MEOX2: variants seen among roughly 807,000 people sequenced by gnomAD.
The protein encoded by MEOX2 is homeobox protein MOX-2.
MEOX2 carries 11 observed loss-of-function variants against 27.0 expected under a neutral mutation model. The ratio of observed to expected loss-of-function variants is 0.41; its 90% confidence interval spans 0.26 to 0.68. MEOX2 has a LOEUF of 0.68. Ranked by LOEUF, MEOX2 falls within the 30% of genes least tolerant of loss-of-function variation. The probability of loss-of-function intolerance (pLI) is 0.33; values close to 1 mark genes in which losing one functional copy is unlikely to be tolerated. For synonymous variants in MEOX2, 189 were observed against 155.4 expected (o/e 1.22, Z -1.61); for missense variants, 436 against 385.4 (o/e 1.13, Z -1.10).
At chr7:15,614,173 C>G (rs1241772577) in intron 2 of MEOX2, among the ~76,000 whole-genome samples, 2 of 150,704 alleles carry the variant, frequency 1.3e-5, no homozygotes, top group South Asian at 2.1e-4. Flanking sequence ...TTTTCCAACA[C>G]AGTGGGACCC....
intron 1 of MEOX2, among the ~76,000 whole-genome samples, chr7:15,666,203 A>G (rs139357999): frequency 6.7e-4 from 102 of 152,310 alleles, no homozygotes; most frequent in African/African-American, 2.4e-3. Flanking sequence ...AACATGGGAG[A>G]GCCAATACAA....
chr7:15,653,448 A>G (rs1349098603), intron 1 of MEOX2, among the ~76,000 whole-genome samples: 1 of 151,886 alleles, frequency 6.6e-6, no homozygotes, highest in African/African-American at 2.4e-5. Flanking sequence ...TCCTCTTAAC[A>G]GGGTCTTTCA....
Position 15,644,212 on chromosome 7 carries a change from A to C in MEOX2, c.518-17294T>G, listed in dbSNP as rs550924421. ...CATTTTCATTGTAGCTGCCCAGCCC[A>C]GTAAAGCCTTCTGGGCCTACCTAGG... is the stretch of plus-strand genomic sequence containing the variant. On this transcript the variant is annotated intron_variant, in intron 1 of 2. Transcript: ENST00000262041. Among the ~76,000 whole-genome samples, 6 of 152,212 alleles carry C rather than the reference A, an allele frequency of 3.9e-5. No individual in the cohort carries two copies. In the East Asian group the frequency reaches 1.2e-3, roughly 30 times the overall value.
At chr7:15,671,959 C>A (rs1011508823) in intron 1 of MEOX2, among the ~76,000 whole-genome samples, 2 of 151,796 alleles carry the variant, frequency 1.3e-5, no homozygotes, top group African/African-American at 4.8e-5. Context: ...CAGGCATGCT[C>A]GTGCATGCCT....
chr7:15,626,750 C>T lies in MEOX2; in HGVS notation c.686G>A (p.Arg229Lys). ...AATGATAATGCCCAGCTTTACCTGT[C>T]TTTCAGTGAGATCCAGATTCACTGC... ...EIAVNLDLTERQVKVWFQNRR... is the reference protein window; with the variant it reads ...EIAVNLDLTEKQVKVWFQNRR... The change falls in exon 2 of 3, where the codon AGA (arginine) becomes AAA (lysine). Residue 229 changes from arginine (R) to lysine (K), a missense_variant. Arg to Lys is a conservative substitution (Grantham distance 26). Transcript: ENST00000262041. 6.2e-7 allele frequency: 1 copy of T among 1,606,846 alleles called. No individual in the cohort carries two copies. The highest frequency in any genetic ancestry group is 8.5e-7 in the Non-Finnish European group (1 of 1,175,998).
chr7:15,681,561 G>C (rs1236881522), intron 1 of MEOX2: 1 of 151,690 alleles, frequency 6.6e-6, no homozygotes. Flanking sequence ...GACATTTTCT[G>C]ATATTTCATT....
At chr7:15,668,340 C>T (rs1782042065) in intron 1 of MEOX2, 1 of 152,136 alleles carries the variant, frequency 6.6e-6, no homozygotes. Flanking sequence ...AATAACATTT[C>T]TTTTCTCTGG....
rs769939650 is a variant in MEOX2 at position 15,686,194 on chromosome 7, TGGTG to T, written c.205_208del (p.His69ThrfsTer146). ...GTGATGGTGGTGGTGGTGGTGGTGG[TGGTG>T]GTGCCCCCTGTGATGCTGGCTGGCA... On this transcript the variant is annotated frameshift_variant, in exon 1 of 3. Transcript: ENST00000262041. LOFTEE classifies it high-confidence loss of function. The T allele has an allele frequency of 6.3e-7, 1 of 1,598,084 alleles. No homozygotes were observed. The highest frequency in any genetic ancestry group is 8.5e-7 in the Non-Finnish European group (1 of 1,170,688).
At chr7:15,615,585 G>A (rs537224583) in intron 2 of MEOX2, among the ~76,000 whole-genome samples, 14 of 152,086 alleles carry the variant, frequency 9.2e-5, no homozygotes, top group African/African-American at 3.4e-4. Context: ...ACCTTTGCAA[G>A]CTTGACATTG....
chr7:15,645,609 A>C (rs1415078997), intron 1 of MEOX2, among the ~76,000 whole-genome samples: 1 of 152,142 alleles, frequency 6.6e-6, no homozygotes, highest in African/African-American at 2.4e-5. Flanking sequence ...AATGTAAAGA[A>C]TTGGTTGGTA....
At chr7:15,666,073 C>T (rs748893172) in intron 1 of MEOX2, among the ~76,000 whole-genome samples, 1 of 152,102 alleles carries the variant, frequency 6.6e-6, no homozygotes, top group South Asian at 2.1e-4. Context: ...AAGGTATTAA[C>T]AGCTCTCAAG....
At chr7:15,622,504 A>G (rs1333119134) in intron 2 of MEOX2, among the ~76,000 whole-genome samples, 2 of 152,168 alleles carry the variant, frequency 1.3e-5, no homozygotes, top group African/African-American at 2.4e-5. Context: ...ATGAGGTTAG[A>G]TGTAATATTC....
chr7:15,652,752 T>C (rs55713374), intron 1 of MEOX2, among the ~76,000 whole-genome samples: 3 of 151,950 alleles, frequency 2.0e-5, no homozygotes, highest in African/African-American at 7.2e-5. Context: ...AATGACTTTT[T>C]TCACTCACCA....
intron 1 of MEOX2, among the ~76,000 whole-genome samples, chr7:15,660,059 AC>A (rs2115382919): frequency 6.6e-6 from 1 of 152,270 alleles, no homozygotes; most frequent in African/African-American, 2.4e-5. Context: ...AAAAGTGAAC[AC>A]CTTTCCTTCT....
Position 15,686,088 on chromosome 7 carries a change from C to T in MEOX2, c.315G>A (p.Arg105=). The change falls in exon 1 of 3, where the codon CGG becomes CGA. Residue 105 remains arginine (R), a synonymous_variant. Coordinates refer to ENST00000262041, the MANE Select transcript of MEOX2 (RefSeq NM_005924.5). The part of the protein sequence containing the change: ...PQMSSPPSAA[R]HSLCLQPDSG... ...AGTCGGGCTGGAGGCAGAGGCTGTG[C>T]CGAGCCGCACTCGGTGGGGAAGACA... 6.3e-7 allele frequency: 1 copy of T among 1,588,434 alleles called. No homozygotes were observed. Among genetic ancestry groups the T allele is most frequent in the Non-Finnish European group, 8.6e-7 (1 of 1,169,296 alleles).
chr7:15,654,929 C>T (rs1193560957), intron 1 of MEOX2, among the ~76,000 whole-genome samples: 2 of 151,604 alleles, frequency 1.3e-5, no homozygotes, highest in Non-Finnish European at 3.0e-5. Context: ...CTCTCCTCTG[C>T]TATTTTCTGG....
chr7:15,644,062 G>C (rs1781604577), intron 1 of MEOX2, among the ~76,000 whole-genome samples: 2 of 152,198 alleles, frequency 1.3e-5, no homozygotes, highest in African/African-American at 4.8e-5. Context: ...CCCTGACAAT[G>C]GCTGTGGACC....
chr7:15,672,240 C>G (rs940701429), intron 1 of MEOX2, among the ~76,000 whole-genome samples: 1 of 152,130 alleles, frequency 6.6e-6, no homozygotes, highest in Admixed American at 6.5e-5. Flanking sequence ...TCTCAGTTGT[C>G]CAATGATTCC....
At chr7:15,637,066 CTAACTT>C (rs1781490280) in intron 1 of MEOX2, among the ~76,000 whole-genome samples, 1 of 152,034 alleles carries the variant, frequency 6.6e-6, no homozygotes, top group African/African-American at 2.4e-5. Flanking sequence ...ATTTTAGAGA[CTAACTT>C]TAATATTCTG....
Sources: allele counts gnomAD v4.1 joint callset (sites outside exome capture counted in the v4.1 genomes callset), GRCh38; gene constraint gnomAD v4.1.1; transcripts MANE v1.5; gene names NCBI Gene and HGNC (gene_info 2026-07-23, HGNC 2026-07-21).